The following ULK2 variants were observed in gnomAD, a reference collection of about 807,000 sequenced individuals.
ULK2 encodes unc-51 like autophagy activating kinase 2.
ULK2 carries 76 observed loss-of-function variants against 127.5 expected under a neutral mutation model. That is an observed-to-expected ratio of 0.60 (90% CI 0.50 to 0.72). ULK2 has a LOEUF of 0.72. Among genes scored for constraint, ULK2 ranks in the 30% least tolerant of loss-of-function variants. The pLI is 0.00. For synonymous variants in ULK2, 452 were observed against 461.9 expected (o/e 0.98, Z 0.28); for missense variants, 1,144 against 1,295.9 (o/e 0.88, Z 1.80).
intron 10 of ULK2, among the ~76,000 whole-genome samples, chr17:19,834,535 G>GA (rs1011742322): frequency 4.4e-4 from 64 of 146,174 alleles, no homozygotes; most frequent in African/African-American, 1.3e-3. Flanking sequence ...AATACAAAAA[G>GA]AAAAAAAAAA....
chr17:19,829,355 G>A (rs2041373439), intron 10 of ULK2, among the ~76,000 whole-genome samples: 1 of 152,002 alleles, frequency 6.6e-6, no homozygotes, highest in Admixed American at 6.6e-5. Context: ...GGAAAAAATG[G>A]TGAAACCCTG....
At position 19,781,898 on chromosome 17, in the gene ULK2, T is replaced by G; in HGVS notation, c.2630A>C (p.Lys877Thr). ...VVVDQISQLSKDWGRVEQLVL... is the reference protein window; with the variant it reads ...VVVDQISQLSTDWGRVEQLVL... Reference sequence around the variant, plus strand: ...ACAAGGGGGCACCCACCCCCAGTCTTTGCTCAGCTGACTGATCTGGTCCAC... The same window carrying G: ...ACAAGGGGGCACCCACCCCCAGTCTGTGCTCAGCTGACTGATCTGGTCCAC... Residue 877 changes from lysine to threonine, a missense_variant, in exon 23 of 27, where the codon AAA (lysine) becomes ACA (threonine). Lys to Thr is a moderately conservative substitution (Grantham distance 78). Coordinates refer to ENST00000395544, the MANE Select transcript of ULK2 (RefSeq NM_014683.4). 4 of 1,613,410 alleles carry G rather than the reference T, an allele frequency of 2.5e-6. No individual in the cohort carries two copies. The South Asian group carries it at 4.4e-5, about 18-fold the overall frequency.
chr17:19,789,176 AGTGGTGGTGGCCACAGGG>A (rs1178670192), intron 20 of ULK2, among the ~76,000 whole-genome samples: 1 of 152,234 alleles, frequency 6.6e-6, no homozygotes, highest in Admixed American at 6.5e-5. Context: ...AGGCAGTTCC[AGTGGTGGTGGCCACAGGG>A]GTGTTTGCAT....
At chr17:19,797,252 G>C in intron 18 of ULK2, 144 bp downstream of exon 18, 1 of 859,294 alleles carries the variant, frequency 1.2e-6, no homozygotes, top group Non-Finnish European at 1.7e-6. Flanking sequence ...AGCTGAGGTT[G>C]TGCCACTGCA....
chr17:19,838,043 T>C (rs1050427756), intron 10 of ULK2, among the ~76,000 whole-genome samples: 9 of 152,188 alleles, frequency 5.9e-5, no homozygotes, highest in African/African-American at 2.2e-4. Context: ...TCATCATTTA[T>C]ATTGGCTGTT....
In ULK2 at chr17:19,801,824, C is replaced by G; in HGVS notation, c.1394G>C (p.Arg465Pro). Residue 465 changes from arginine (R) to proline (P), a missense_variant, in exon 16 of 27, where the codon CGA becomes CCA. Around this residue, in one of 2 missense-constraint regions of ULK2, gnomAD observed 913 missense variants for 970.5 expected, o/e 0.94. Transcript: ENST00000395544. Reference protein sequence around the residue: ...VPADTAQTVGRRLSTGSSRPY... With the variant: ...VPADTAQTVGPRLSTGSSRPY... The stretch of plus-strand genomic sequence containing the variant: ...CCTAGAAGACCCAGTGGAGAGCCTT[C>G]GTCCAACTGTCTGTGCTGTGTCTGC... 6.2e-7 allele frequency: 1 copy of G among 1,614,230 alleles called. No homozygotes were observed. The highest frequency in any genetic ancestry group is 8.5e-7 in the Non-Finnish European group (1 of 1,180,026).
chr17:19,822,502 C>T (rs2041176554), intron 12 of ULK2, among the ~76,000 whole-genome samples: 1 of 151,340 alleles, frequency 6.6e-6, no homozygotes, highest in African/African-American at 2.4e-5. Flanking sequence ...TCTGGGATTA[C>T]AGGTGCACGC....
chr17:19,809,161 A>G (rs1260783997), intron 14 of ULK2, among the ~76,000 whole-genome samples: 1 of 152,226 alleles, frequency 6.6e-6, no homozygotes, highest in Non-Finnish European at 1.5e-5. Context: ...AAGTGAAATA[A>G]GTCAAGTCAC....
rs1597800298 is a variant in ULK2, at chr17:19,842,987, C to T, written c.645+134G>A. 5 of 774,808 alleles carry T rather than the reference C, an allele frequency of 6.5e-6. 1 individual carries two copies. In the South Asian group the frequency reaches 7.9e-5, roughly 12 times the overall value. The allele number at this position is 774,808 out of a possible 1,614,324, so 48.0% of individuals were successfully genotyped here. ...TCTGACTCACTAAAGCAGTTTTTGCCTATAACAGAATCAAAGTAACTCACA... is the reference window on the plus strand; with the variant it reads ...TCTGACTCACTAAAGCAGTTTTTGCTTATAACAGAATCAAAGTAACTCACA... On this transcript the variant is annotated intron_variant, in intron 8 of 26. Transcript: ENST00000395544.
At chr17:19,781,863 G>A (rs2152381735) in intron 23 of ULK2, 26 bp downstream of exon 23, 2 of 1,606,220 alleles carry the variant, frequency 1.2e-6, no homozygotes, top group East Asian at 4.5e-5. Flanking sequence ...GAAAAGTCTG[G>A]AAATGAATGA....
rs2086931012 is a variant in ULK2 at position 19,782,058 on chromosome 17, T to C, written c.2470A>G (p.Thr824Ala). 1.2e-6 allele frequency: 2 copies of C among 1,613,750 alleles called. No individual in the cohort carries two copies. The highest frequency in any genetic ancestry group is 1.7e-6 in the Non-Finnish European group (2 of 1,179,854). Residue 824 changes from threonine (T) to alanine (A), a missense_variant, in exon 23 of 27, where the codon ACA (threonine) becomes GCA (alanine). By Grantham distance (58) the Thr-to-Ala change is moderately conservative. This residue lies in a region of ULK2 where 913 missense variants were observed against 970.5 expected (regional missense o/e 0.94). Transcript: ENST00000395544. ...PEETLMEREH[T>A]DTLRHLNVML... ...ACATTCAGATGGCGTAAGGTGTCTG[T>C]GTGTTCCCGCTGCAGCAAAGTCAAT...
intron 14 of ULK2, among the ~76,000 whole-genome samples, chr17:19,808,997 T>C (rs1427361479): frequency 6.6e-6 from 1 of 152,128 alleles, no homozygotes; most frequent in East Asian, 1.9e-4. Context: ...GCATGCACAA[T>C]AGCCAAGAGG....
At chr17:19,806,343 C>A (rs1236883734) in intron 14 of ULK2, among the ~76,000 whole-genome samples, 1 of 152,126 alleles carries the variant, frequency 6.6e-6, no homozygotes, top group Non-Finnish European at 1.5e-5. Flanking sequence ...TACACATTAT[C>A]AAGCTCTAAA....
chr17:19,796,513 G>A (rs950217148), intron 18 of ULK2, among the ~76,000 whole-genome samples: 2 of 152,104 alleles, frequency 1.3e-5, no homozygotes, highest in African/African-American at 4.8e-5. Context: ...TGAAAGCTTA[G>A]GTTAGATAAC....
At chr17:19,799,949 G>A (rs1239324550) in intron 16 of ULK2, among the ~76,000 whole-genome samples, 4 of 152,232 alleles carry the variant, frequency 2.6e-5, no homozygotes, top group African/African-American at 4.8e-5. Context: ...TCCCTCTGGT[G>A]CCAAGGCTAG....
intron 18 of ULK2, 71 bp from the exon 19 acceptor site, chr17:19,796,353 G>C: frequency 3.7e-6 from 5 of 1,363,400 alleles, no homozygotes; most frequent in Non-Finnish European, 4.8e-6. Context: ...AGTACTGGCA[G>C]GTTTGTGTGA....
At chr17:19,867,031 A>G (rs1473887107) in intron 1 of ULK2, among the ~76,000 whole-genome samples, 3 of 152,160 alleles carry the variant, frequency 2.0e-5, no homozygotes, top group Admixed American at 1.3e-4. Context: ...AGTACCGTCT[A>G]TTTTGGGTCC....
At chr17:19,819,624 A>T (rs2041086546) in intron 12 of ULK2, among the ~76,000 whole-genome samples, 4 of 152,174 alleles carry the variant, frequency 2.6e-5, no homozygotes, top group Admixed American at 2.6e-4. Context: ...CCTATACAAC[A>T]CATTCATGCC....
intron 20 of ULK2, among the ~76,000 whole-genome samples, chr17:19,795,193 A>C (rs1355393796): frequency 6.6e-6 from 1 of 151,972 alleles, no homozygotes; most frequent in East Asian, 1.9e-4. Context: ...CTAGATATAC[A>C]TGGGTGGTCA....
Sources: gnomAD v4.1 joint callset for allele counts (sites outside exome capture counted in the v4.1 genomes callset) on GRCh38, gnomAD v4.1.1 for gene constraint, gnomAD v4.1.1 regional missense constraint, MANE v1.5 for transcripts, NCBI Gene and HGNC (gene_info 2026-07-23, HGNC 2026-07-21) for gene names.